The following UNC13A variants were observed in gnomAD, a reference collection of about 807,000 sequenced individuals.
The protein encoded by UNC13A is protein unc-13 homolog A.
A neutral mutation model predicts 219.7 loss-of-function variants in UNC13A; 61 were observed. The observed-to-expected ratio is 0.28, with a 90% CI of 0.23 to 0.34. The LOEUF is 0.34. Ranked by LOEUF, UNC13A falls within the 10% of genes least tolerant of loss-of-function variation. UNC13A has a pLI of 1.00. For synonymous variants in UNC13A, 920 were observed against 884.6 expected, an observed-to-expected ratio of 1.04 and a Z score of -0.71; for missense variants, 1,476 against 2,270.3, an observed-to-expected ratio of 0.65 and a Z score of 7.11.
At chr19:17,679,408 TATAATA>T (rs548278832) in intron 1 of UNC13A, among the ~76,000 whole-genome samples, 3 of 149,316 alleles carry the variant, frequency 2.0e-5, no homozygotes, top group Non-Finnish European at 4.5e-5. Context: ...TCAAAAAATA[TATAATA>T]ATAATAATAA....
In UNC13A at chr19:17,621,701, T is replaced by G. The variant is rs1163798371; in HGVS notation, c.4242+131A>C. The G allele has an allele frequency of 1.1e-5, 9 of 840,174 alleles. No individual in the cohort carries two copies. The African/African-American group carries it at 1.3e-4, about 12-fold the overall frequency. The allele number at this position is 840,174 out of a possible 1,614,324, so 52.0% of individuals were successfully genotyped here. A position where few individuals can be genotyped will look rare whatever the true frequency, so the allele number is the denominator to read the frequency against. On this transcript the variant is annotated intron_variant, in intron 37 of 43. Coordinates refer to ENST00000519716, the MANE Select transcript of UNC13A (RefSeq NM_001080421.3). ...CTCTGACTTCTGGTTTTGCAGGACT[T>G]GGTTAGGAGAGCTATCTCCTACCCA...
At chr19:17,655,797 C>A in intron 10 of UNC13A, 86 bp downstream of exon 10, 4 of 1,433,270 alleles carry the variant, frequency 2.8e-6, no homozygotes, top group South Asian at 1.6e-5. Context: ...CCAGCAACTT[C>A]CCAGGTCCAC....
intron 43 of UNC13A, among the ~76,000 whole-genome samples, chr19:17,608,436 TTATTA>T (rs888934810): frequency 9.5e-5 from 13 of 136,678 alleles, no homozygotes; most frequent in African/African-American, 1.4e-4. Flanking sequence ...TGATATATAT[TTATTA>T]TATATTATAT....
Position 17,675,937 on chromosome 19 carries a change from C to T in UNC13A, c.52+75G>A. 9 of 1,523,306 alleles carry T rather than the reference C, an allele frequency of 5.9e-6. No individual in the cohort carries two copies. The South Asian group carries it at 1.1e-4, about 18-fold the overall frequency. 94.4% of individuals were successfully genotyped at this position (1,523,306 alleles called of 1,614,324 possible). On this transcript the variant is annotated intron_variant, in intron 2 of 43. Coordinates refer to ENST00000519716, the MANE Select transcript of UNC13A (RefSeq NM_001080421.3). ...GCCCAACTCTAAGTCTGGGCTGGGA[C>T]CCCCTCCCAGTCTCTCCAAGAGACA...
chr19:17,666,883 A>T (rs1290366125), intron 6 of UNC13A, among the ~76,000 whole-genome samples, 179 bp from the exon 7 acceptor site: 4 of 110,726 alleles, frequency 3.6e-5, no homozygotes, highest in Non-Finnish European at 5.5e-5. Flanking sequence ...CACACACACG[A>T]GAGAGAGAGA....
intron 1 of UNC13A, 79 bp downstream of exon 1, chr19:17,688,099 C>G (rs1173047049): frequency 1.3e-6 from 2 of 1,491,792 alleles, no homozygotes; most frequent in Non-Finnish European, 1.8e-6. Context: ...CCAGGAACCC[C>G]CTGGGAGCCG....
intron 1 of UNC13A, among the ~76,000 whole-genome samples, chr19:17,679,815 C>T (rs2145925035): frequency 6.6e-6 from 1 of 152,230 alleles, no homozygotes; most frequent in East Asian, 1.9e-4. Context: ...TCTTGTGCCC[C>T]TCCCTTGGTC....
intron 41 of UNC13A, among the ~76,000 whole-genome samples, chr19:17,612,969 T>G (rs1477612746): frequency 1.3e-5 from 2 of 152,156 alleles, no homozygotes; most frequent in Admixed American, 1.3e-4. Flanking sequence ...GGGAGGCTCA[T>G]GCTTGTAATC....
chr19:17,687,446 A>C (rs1045431093), intron 1 of UNC13A, among the ~76,000 whole-genome samples: 3 of 152,076 alleles, frequency 2.0e-5, no homozygotes, highest in Admixed American at 1.3e-4. Flanking sequence ...GTTTGGGAGA[A>C]CCGGAGGGGG....
intron 1 of UNC13A, among the ~76,000 whole-genome samples, chr19:17,683,335 G>C (rs1371230993): frequency 1.3e-5 from 2 of 151,998 alleles, no homozygotes; most frequent in African/African-American, 4.8e-5. Flanking sequence ...TTAACATCAT[G>C]CCTATGAAAT....
chr19:17,623,712 G>A (rs940693010), intron 35 of UNC13A, among the ~76,000 whole-genome samples, 165 bp from the exon 36 acceptor site: 1 of 151,890 alleles, frequency 6.6e-6, no homozygotes, highest in Non-Finnish European at 1.5e-5. Context: ...GAGCCTCCCC[G>A]ACCATCGTCG....
chr19:17,641,621 G>A (rs1242150170), intron 20 of UNC13A, 65 bp from the exon 21 acceptor site: 1 of 1,550,444 alleles, frequency 6.4e-7, no homozygotes, highest in Non-Finnish European at 8.8e-7. Flanking sequence ...AGAGGTCCCA[G>A]GGTCTGGGGC....
rs1269732371 is a variant in UNC13A, at chr19:17,639,910, TGAG to T, written c.2788-5_2788-3del. 6.2e-7 allele frequency: 1 copy of T among 1,613,642 alleles called. No homozygotes were observed. The highest frequency in any genetic ancestry group is 1.1e-5 in the South Asian group (1 of 91,068). ...CAGGAGTTTCACGAAGCGCTCTTTC[TGAG>T]GAGGAAGGGGAGGAGGGAGGATGGA... is the stretch of plus-strand genomic sequence containing the variant. On this transcript the variant is annotated splice_region_variant and splice_polypyrimidine_tract_variant and intron_variant, in intron 22 of 43. Coordinates refer to ENST00000519716, the MANE Select transcript of UNC13A (RefSeq NM_001080421.3).
At position 17,617,690 on chromosome 19, in the gene UNC13A, G is replaced by C. The variant is rs1300386049; in HGVS notation, c.4558+12C>G. Reference sequence around the variant, plus strand: ...GGAGCGGGAAAGGGTGATGCGGTCTGGGTACCCTTACCCTGGGCCGATTGC... The same window carrying C: ...GGAGCGGGAAAGGGTGATGCGGTCTCGGTACCCTTACCCTGGGCCGATTGC... On this transcript the variant is annotated intron_variant, in intron 41 of 43. Coordinates refer to ENST00000519716, the MANE Select transcript of UNC13A (RefSeq NM_001080421.3). The C allele has an allele frequency of 1.9e-6, 3 of 1,612,026 alleles. No individual in the cohort carries two copies. The highest frequency in any genetic ancestry group is 1.7e-6 in the Non-Finnish European group (2 of 1,178,218).
At chr19:17,644,919 T>G (rs1485614397) in intron 19 of UNC13A, among the ~76,000 whole-genome samples, 1 of 151,978 alleles carries the variant, frequency 6.6e-6, no homozygotes, top group Non-Finnish European at 1.5e-5. Context: ...CTTGAACTCC[T>G]GGACTCAAGT....
chr19:17,618,909 G>C lies in UNC13A; in HGVS notation c.4326C>G (p.Leu1442=). The C allele has an allele frequency of 6.2e-7, 1 of 1,613,954 alleles. No individual in the cohort carries two copies. Among genetic ancestry groups the C allele is most frequent in the South Asian group, 1.1e-5 (1 of 91,078 alleles). ...AAKELGQLSK[L]KDHMVREEAK... ...ATAATCTATCCCCACTCCTCACCTT[G>C]AGTTTGGACAGCTGACCCAGCTCCT... Residue 1442 remains leucine, a synonymous_variant, in exon 39 of 44, where the codon CTC becomes CTG. Transcript: ENST00000519716.
chr19:17,682,279 C>T (rs1298362062), intron 1 of UNC13A, among the ~76,000 whole-genome samples: 1 of 152,114 alleles, frequency 6.6e-6, no homozygotes, highest in Non-Finnish European at 1.5e-5. Flanking sequence ...ATGTCTTTTG[C>T]TCACGATTAT....
At chr19:17,640,287 C>T (rs2076954838) in intron 22 of UNC13A, among the ~76,000 whole-genome samples, 1 of 152,208 alleles carries the variant, frequency 6.6e-6, no homozygotes, top group South Asian at 2.1e-4. Flanking sequence ...GATTCTCCAG[C>T]CTCGGCCTCC....
intron 38 of UNC13A, among the ~76,000 whole-genome samples, chr19:17,620,333 T>C (rs2076714599): frequency 1.3e-5 from 2 of 152,184 alleles, no homozygotes; most frequent in Non-Finnish European, 2.9e-5. Flanking sequence ...TGGTCATTCC[T>C]AGAGGTATTA....
Sources: allele counts gnomAD v4.1 joint callset (sites outside exome capture counted in the v4.1 genomes callset), GRCh38; gene constraint gnomAD v4.1.1; transcripts MANE v1.5; gene names NCBI Gene and HGNC (gene_info 2026-07-23, HGNC 2026-07-21).